FRY: variants seen among roughly 807,000 people sequenced by gnomAD.
The protein encoded by FRY is FRY microtubule binding protein, also known as protein furry homolog.
A neutral mutation model predicts 348.4 loss-of-function variants in FRY; 128 were observed. That is an observed-to-expected ratio of 0.37 (90% confidence interval 0.32 to 0.43). FRY has a LOEUF of 0.43. FRY is among the 20% of genes least tolerant of loss of function. The pLI, the probability that FRY is intolerant of heterozygous loss-of-function variation, is 1.00. For missense variants in FRY, 2,736 were observed against 3,695.2 expected (o/e 0.74, Z 6.73); for synonymous variants, 1,370 against 1,374.7 (o/e 1.00, Z 0.08).
intron 58 of FRY, among the ~76,000 whole-genome samples, chr13:32,284,836 G>C (rs1888969563): frequency 6.6e-6 from 1 of 152,148 alleles, no homozygotes; most frequent in Non-Finnish European, 1.5e-5. Flanking sequence ...CATATCAAAA[G>C]TTTCTTAGAT....
At chr13:32,293,342 C>T (rs1268240081) in intron 59 of FRY, among the ~76,000 whole-genome samples, 1 of 152,148 alleles carries the variant, frequency 6.6e-6, no homozygotes, top group Non-Finnish European at 1.5e-5. Context: ...AAGATTATTT[C>T]ACTAAATTTT....
At chr13:32,274,351 A>C (rs903648930) in intron 55 of FRY, among the ~76,000 whole-genome samples, 1 of 152,212 alleles carries the variant, frequency 6.6e-6, no homozygotes, top group Non-Finnish European at 1.5e-5. Context: ...GCCATTTCAC[A>C]GCATACACAT....
At chr13:32,218,455 C>T (rs550104595) in intron 35 of FRY, among the ~76,000 whole-genome samples, 156 of 152,162 alleles carry the variant, frequency 1.0e-3, no homozygotes, top group African/African-American at 3.6e-3. Context: ...CCGAAGCGGG[C>T]GGATCACGAG....
Position 32,296,237 on chromosome 13 carries a change from G to A in FRY, c.*777G>A, listed in dbSNP as rs2072060968. 6.6e-6 allele frequency: 1 copy of A among 152,590 alleles called. No individual in the cohort carries two copies. The highest frequency in any genetic ancestry group is 1.5e-5 in the Non-Finnish European group (1 of 68,036). 9.5% of individuals were successfully genotyped at this position (152,590 alleles called of 1,614,324 possible). A position where few individuals can be genotyped will look rare whatever the true frequency, so the allele number is the denominator to read the frequency against. ...GAGCATATTTATACTGCTGAAGGAT[G>A]AGTGTTAATTTTAATTAACTTTGCC... On this transcript the variant is annotated 3_prime_UTR_variant, in exon 61 of 61. Transcript: ENST00000542859.
chr13:32,188,310 G>A (rs542263158), intron 28 of FRY, among the ~76,000 whole-genome samples: 8 of 152,138 alleles, frequency 5.3e-5, no homozygotes, highest in Middle Eastern at 6.8e-3. Context: ...TCAATGCCAC[G>A]TTCTCTACAT....
In FRY at chr13:32,297,478, G is replaced by A. The variant is rs1424871254; in HGVS notation, c.*2018G>A. 7 of 150,972 alleles carry A rather than the reference G, an allele frequency of 4.6e-5. No individual in the cohort carries two copies. Among genetic ancestry groups the A allele is most frequent in the East Asian group, 3.9e-4 (2 of 5,142 alleles). 9.4% of individuals were successfully genotyped at this position (150,972 alleles called of 1,614,324 possible). On this transcript the variant is annotated 3_prime_UTR_variant, in exon 61 of 61. Transcript: ENST00000542859. ...GCTTCTTACCCAGCAGAGAACCACC[G>A]TGATGGTTTACTCTTAAAAAGGGAA... is the stretch of plus-strand genomic sequence containing the variant.
At chr13:32,050,499 T>G (rs462803) in intron 1 of FRY, among the ~76,000 whole-genome samples, 96,392 of 152,008 alleles carry the variant, frequency 0.63, 30,788 homozygotes, top group Non-Finnish European at 0.65. Flanking sequence ...CCTTCAGGGA[T>G]AGCAGTGTGC....
intron 4 of FRY, among the ~76,000 whole-genome samples, chr13:32,122,141 A>C (rs2138714587): frequency 6.6e-6 from 1 of 152,264 alleles, no homozygotes; most frequent in South Asian, 2.1e-4. Flanking sequence ...ATCCCAATAG[A>C]TGCAGAAAAA....
In FRY at chr13:32,297,021, A is replaced by G. The variant is rs2072073379; in HGVS notation, c.*1561A>G. The G allele has an allele frequency of 6.6e-6, 1 of 152,256 alleles. No homozygotes were observed. Among genetic ancestry groups the G allele is most frequent in the South Asian group, 2.1e-4 (1 of 4,828 alleles). 9.4% of individuals were successfully genotyped at this position (152,256 alleles called of 1,614,324 possible). On this transcript the variant is annotated 3_prime_UTR_variant, in exon 61 of 61. Transcript: ENST00000542859. ...TGTCACCAACACCTATCCCCCAGGA[A>G]CACAGGGAGAAACATGTAACAATCT...
chr13:32,184,394 A>G (rs1008647758), intron 24 of FRY, among the ~76,000 whole-genome samples: 1 of 151,980 alleles, frequency 6.6e-6, no homozygotes, highest in Non-Finnish European at 1.5e-5. Flanking sequence ...ATATTTACTG[A>G]CCCACTTATG....
At chr13:32,254,151 C>A in intron 50 of FRY, 73 bp from the exon 51 acceptor site, 1 of 1,368,434 alleles carries the variant, frequency 7.3e-7, no homozygotes, top group Non-Finnish European at 1.0e-6. Context: ...CTATGAAGAG[C>A]CAATTACAAT....
chr13:32,162,208 A>T (rs970360560), intron 17 of FRY, among the ~76,000 whole-genome samples: 1 of 152,220 alleles, frequency 6.6e-6, no homozygotes, highest in South Asian at 2.1e-4. Flanking sequence ...AAAAATGTCA[A>T]TTTAGGCTCT....
At chr13:32,213,484 T>C (rs1451548377) in intron 35 of FRY, among the ~76,000 whole-genome samples, 4 of 152,246 alleles carry the variant, frequency 2.6e-5, no homozygotes, top group African/African-American at 9.6e-5. Flanking sequence ...AGTTCTCTAA[T>C]AAAGCCTTTT....
At chr13:32,272,415 G>GA (rs1398284438) in intron 55 of FRY, among the ~76,000 whole-genome samples, 1 of 152,224 alleles carries the variant, frequency 6.6e-6, no homozygotes, top group East Asian at 1.9e-4. Context: ...TCATATGTGA[G>GA]AATGTCATCA....
chr13:32,170,399 G>A (rs1034836052), intron 17 of FRY, among the ~76,000 whole-genome samples: 1 of 152,202 alleles, frequency 6.6e-6, no homozygotes, highest in African/African-American at 2.4e-5. Context: ...TCAATATTAA[G>A]TTCTTAGTTT....
chr13:32,093,768 T>C (rs73167118), intron 2 of FRY, among the ~76,000 whole-genome samples: 7,908 of 152,290 alleles, frequency 0.052, 316 homozygotes, highest in East Asian at 0.23. Context: ...GGGCATCTGG[T>C]CAGACCTAAG....
chr13:32,268,503 A>ATAT (rs60813461), intron 55 of FRY, among the ~76,000 whole-genome samples: 3 of 14,776 alleles, frequency 2.0e-4, no homozygotes, highest in East Asian at 2.9e-3. Context: ...AAAAAAAAAA[A>ATAT]AAATATATAT....
chr13:32,281,977 C>T (rs1696190902), intron 58 of FRY, among the ~76,000 whole-genome samples: 1 of 152,188 alleles, frequency 6.6e-6, no homozygotes, highest in South Asian at 2.1e-4. Context: ...AATCAGGCAG[C>T]CTCGGTTCCC....
At chr13:32,166,538 AT>A (rs1296076353) in intron 17 of FRY, among the ~76,000 whole-genome samples, 2 of 152,100 alleles carry the variant, frequency 1.3e-5, no homozygotes, top group Non-Finnish European at 2.9e-5. Flanking sequence ...TTAGATAGCT[AT>A]TTTTTTCCCG....
Sources: gnomAD v4.1 joint callset for allele counts (sites outside exome capture counted in the v4.1 genomes callset) on GRCh38, gnomAD v4.1.1 for gene constraint, MANE v1.5 for transcripts, NCBI Gene and HGNC (gene_info 2026-07-23, HGNC 2026-07-21) for gene names.